The following PDE2A variants were observed in gnomAD, a reference collection of about 807,000 sequenced individuals.
PDE2A encodes phosphodiesterase 2A.
In PDE2A, 53 loss-of-function variants were observed where a neutral mutation model predicts 133.6. The ratio of observed to expected loss-of-function variants is 0.40; its 90% confidence interval spans 0.32 to 0.50. The LOEUF (loss-of-function observed/expected upper bound fraction) is 0.50, where lower values mean the gene tolerates loss of function less well. Among genes scored for constraint, PDE2A ranks in the 20% least tolerant of loss-of-function variants. PDE2A has a pLI of 0.73. For synonymous variants in PDE2A, 491 were observed against 490.2 expected (o/e 1.00, Z -0.02); for missense variants, 796 against 1,232.4 (o/e 0.65, Z 5.30).
chr11:72,580,261 G>A (rs1855661479), intron 25 of PDE2A, among the ~76,000 whole-genome samples: 1 of 152,216 alleles, frequency 6.6e-6, no homozygotes, highest in Non-Finnish European at 1.5e-5. Flanking sequence ...GAGGTAGGCA[G>A]ACCCAAACCA....
At chr11:72,589,459 T>C (rs2135302339) in intron 11 of PDE2A, among the ~76,000 whole-genome samples, 1 of 152,260 alleles carries the variant, frequency 6.6e-6, no homozygotes, top group Middle Eastern at 3.4e-3. Context: ...ATAAGCAGAC[T>C]CCAAGGATTC....
intron 20 of PDE2A, 53 bp downstream of exon 20, chr11:72,583,385 C>T (rs1421266805): frequency 1.1e-5 from 14 of 1,282,842 alleles, no homozygotes; most frequent in Non-Finnish European, 1.6e-5. Context: ...CCTGCCTGGC[C>T]CTGGGTCCCC....
chr11:72,656,169 C>G (rs1854894723), intron 1 of PDE2A, among the ~76,000 whole-genome samples: 1 of 152,178 alleles, frequency 6.6e-6, no homozygotes, highest in Non-Finnish European at 1.5e-5. Context: ...CGAGGGGGGC[C>G]ATGTAGACAA....
At chr11:72,650,286 G>T (rs1854695247) in intron 1 of PDE2A, among the ~76,000 whole-genome samples, 1 of 151,962 alleles carries the variant, frequency 6.6e-6, no homozygotes, top group Admixed American at 6.6e-5. Flanking sequence ...GCCTCCCAAA[G>T]TGCTGGGATT....
chr11:72,634,860 C>T (rs341051), intron 2 of PDE2A, among the ~76,000 whole-genome samples: 66,752 of 152,182 alleles, frequency 0.44, 15,547 homozygotes, highest in Middle Eastern at 0.6. Flanking sequence ...GCTGATGGGA[C>T]CCCACTGGCT....
intron 2 of PDE2A, among the ~76,000 whole-genome samples, chr11:72,633,903 C>T (rs1023511154): frequency 3.3e-5 from 5 of 152,202 alleles, no homozygotes; most frequent in Admixed American, 2.6e-4. Context: ...ATGCCAAGGG[C>T]AGTGTGCACC....
chr11:72,600,596 C>T (rs935162191), intron 4 of PDE2A, among the ~76,000 whole-genome samples: 4 of 152,174 alleles, frequency 2.6e-5, no homozygotes, highest in African/African-American at 9.7e-5. Flanking sequence ...CTGAGTCTCC[C>T]CCACCCACAT....
At position 72,591,487 on chromosome 11, in the gene PDE2A, A is replaced by G. The variant is rs538061390; in HGVS notation, c.490-131T>C. 5 of 695,190 alleles carry G rather than the reference A, an allele frequency of 7.2e-6. No individual in the cohort carries two copies. The East Asian group carries it at 1.0e-4, about 14-fold the overall frequency. 43.1% of individuals were successfully genotyped at this position (695,190 alleles called of 1,614,324 possible). A position where few individuals can be genotyped will look rare whatever the true frequency, so the allele number is the denominator to read the frequency against. On this transcript the variant is annotated intron_variant, in intron 6 of 30. Transcript: ENST00000334456. Reference sequence around the variant, plus strand: ...ACACTCCAGTCTGTGGGCCTCAGTGATAACCCCATCTTTCTGACCACTCAG... The same window carrying G: ...ACACTCCAGTCTGTGGGCCTCAGTGGTAACCCCATCTTTCTGACCACTCAG...
At chr11:72,671,609 G>T (rs1001222788) in intron 1 of PDE2A, among the ~76,000 whole-genome samples, 16 of 152,218 alleles carry the variant, frequency 1.1e-4, no homozygotes, top group African/African-American at 3.9e-4. Flanking sequence ...GTGGGCAGGG[G>T]GAATGACTGC....
chr11:72,646,234 C>T (rs181998835), intron 1 of PDE2A, among the ~76,000 whole-genome samples: 32 of 152,316 alleles, frequency 2.1e-4, no homozygotes, highest in Non-Finnish European at 3.5e-4. Context: ...ACTCAGCTGT[C>T]AGCCTGGGTC....
At chr11:72,634,104 A>G (rs987201776) in intron 2 of PDE2A, among the ~76,000 whole-genome samples, 1 of 152,176 alleles carries the variant, frequency 6.6e-6, no homozygotes, top group African/African-American at 2.4e-5. Flanking sequence ...AGAGCGCCAG[A>G]GACGAGACCT....
rs114988042 is a variant in PDE2A at position 72,590,415 on chromosome 11, C to T, written c.703+12G>A. The T allele has an allele frequency of 1.0e-3, 1,611 of 1,576,470 alleles. 11 individuals are homozygous for T. The African/African-American group carries it at 0.019, about 19-fold the overall frequency. On this transcript the variant is annotated intron_variant, in intron 8 of 30. Transcript: ENST00000334456. This position sits in a 1 kb window ranked among gnomAD's most constrained non-coding sequence, Gnocchi z 4.8. ...GCCCCGCCCTCGTGACCTGTCCAGGCCGGGCCCTCACCGCACAGTTGGAGG... is the reference window on the plus strand; with the variant it reads ...GCCCCGCCCTCGTGACCTGTCCAGGTCGGGCCCTCACCGCACAGTTGGAGG...
chr11:72,581,419 G>T lies in PDE2A; in HGVS notation c.1983C>A (p.Ala661=), dbSNP rs1318593959. ...GGTAGCAGAAGTGGGAGACAGAAAA[G>T]GCGTGCATCCAGTTGTGGTAGGGGG... The part of the protein sequence containing the change: ...RDPPYHNWMH[A]FSVSHFCYLL... The change falls in exon 23 of 31, where the codon GCC becomes GCA. Residue 661 remains alanine (A), a synonymous_variant. Coordinates refer to ENST00000334456, the MANE Select transcript of PDE2A (RefSeq NM_002599.5). 6.2e-7 allele frequency: 1 copy of T among 1,611,762 alleles called. No homozygotes were observed. Among genetic ancestry groups the T allele is most frequent in the African/African-American group, 1.3e-5 (1 of 75,042 alleles).
At chr11:72,662,060 C>T (rs1855081766) in intron 1 of PDE2A, among the ~76,000 whole-genome samples, 1 of 152,094 alleles carries the variant, frequency 6.6e-6, no homozygotes. Context: ...GTTCAAGTCC[C>T]TATGCCTAGA....
Position 72,597,344 on chromosome 11 carries a change from T to C in PDE2A, c.433+166A>G, listed in dbSNP as rs1416129476. On this transcript the variant is annotated intron_variant, in intron 5 of 30. Transcript: ENST00000334456. The surrounding 1 kb of genome is among the most constrained non-coding windows in gnomAD (Gnocchi z 4.6). ...GGAAGTTGAGGCTCAGAGAATTTAGTAGTACAATAGAGAGAGAATTAGATG... is the reference window on the plus strand; with the variant it reads ...GGAAGTTGAGGCTCAGAGAATTTAGCAGTACAATAGAGAGAGAATTAGATG... Among the ~76,000 whole-genome samples, 1 of 151,956 alleles carries C rather than the reference T, an allele frequency of 6.6e-6. No individual in the cohort carries two copies. Among genetic ancestry groups the C allele is most frequent in the Non-Finnish European group, 1.5e-5 (1 of 67,990 alleles).
intron 2 of PDE2A, among the ~76,000 whole-genome samples, chr11:72,630,743 C>T (rs528123111): frequency 1.2e-4 from 18 of 151,734 alleles, no homozygotes; most frequent in Admixed American, 1.0e-3. Flanking sequence ...CCCAAGCAGG[C>T]GGCAGAATGG....
intron 2 of PDE2A, among the ~76,000 whole-genome samples, chr11:72,641,602 G>T (rs10898861): frequency 6.6e-6 from 1 of 152,006 alleles, no homozygotes; most frequent in Non-Finnish European, 1.5e-5. Context: ...ACCTGGAGAG[G>T]AACAAGAGGA....
intron 1 of PDE2A, among the ~76,000 whole-genome samples, chr11:72,653,599 T>A (rs1401244266): frequency 3.3e-5 from 5 of 151,768 alleles, no homozygotes; most frequent in African/African-American, 7.3e-5. Flanking sequence ...GAGATAGTAA[T>A]AAAGGAAGAG....
chr11:72,633,056 G>A (rs1161222942), intron 2 of PDE2A, among the ~76,000 whole-genome samples: 1 of 152,184 alleles, frequency 6.6e-6, no homozygotes, highest in Non-Finnish European at 1.5e-5. Flanking sequence ...ACTGGAATCT[G>A]CACCAACCCG....
Sources: allele counts gnomAD v4.1 joint callset (sites outside exome capture counted in the v4.1 genomes callset), GRCh38; gene constraint gnomAD v4.1.1; non-coding constraint Gnocchi (gnomAD v3.1); transcripts MANE v1.5; gene names NCBI Gene and HGNC (gene_info 2026-07-23, HGNC 2026-07-21).